The following SLC24A3 variants were observed in gnomAD, a reference collection of about 807,000 sequenced individuals.
SLC24A3 encodes the protein solute carrier family 24 member 3, also known as sodium/potassium/calcium exchanger 3.
Under a neutral mutation model 75.8 loss-of-function variants are expected in SLC24A3, and 28 were observed. The ratio of observed to expected loss-of-function variants is 0.37; its 90% CI spans 0.27 to 0.51. The LOEUF (loss-of-function observed/expected upper bound fraction) is 0.51, where lower values mean the gene tolerates loss of function less well. SLC24A3 is among the 20% of genes least tolerant of loss of function. The pLI, the probability that SLC24A3 is intolerant of heterozygous loss-of-function variation, is 0.94. For synonymous variants in SLC24A3, 372 were observed against 334.1 expected, an observed-to-expected ratio of 1.11 and a Z score of -1.24; for missense variants, 663 against 847.8, an observed-to-expected ratio of 0.78 and a Z score of 2.71.
chr20:19,218,029 A>T (rs1454899118), intron 1 of SLC24A3, among the ~76,000 whole-genome samples: 2 of 152,154 alleles, frequency 1.3e-5, no homozygotes, highest in Non-Finnish European at 2.9e-5. Context: ...GACCCTATGA[A>T]CTTTCCGTAC....
chr20:19,328,632 G>A (rs6136680), intron 2 of SLC24A3, among the ~76,000 whole-genome samples: 1 of 152,160 alleles, frequency 6.6e-6, no homozygotes, highest in Non-Finnish European at 1.5e-5. Flanking sequence ...TGTAGGAGAA[G>A]GTGAGGGGCG....
intron 2 of SLC24A3, among the ~76,000 whole-genome samples, chr20:19,285,248 C>T (rs767205762): frequency 3.9e-5 from 6 of 152,066 alleles, no homozygotes; most frequent in Non-Finnish European, 7.4e-5. Flanking sequence ...GAGCCCAAGG[C>T]GGGTGGATTA....
At chr20:19,656,581 C>A (rs2032269565) in intron 7 of SLC24A3, among the ~76,000 whole-genome samples, 1 of 152,214 alleles carries the variant, frequency 6.6e-6, no homozygotes, top group Non-Finnish European at 1.5e-5. Context: ...GCACTCTGCT[C>A]TTCTGCCATT....
chr20:19,252,241 A>G (rs1350614802), intron 1 of SLC24A3, among the ~76,000 whole-genome samples: 1 of 152,212 alleles, frequency 6.6e-6, no homozygotes. Context: ...ACAACCGTGA[A>G]TTGAAGATGA....
At chr20:19,697,124 G>A (rs1281956713) in intron 14 of SLC24A3, among the ~76,000 whole-genome samples, 1 of 152,022 alleles carries the variant, frequency 6.6e-6, no homozygotes, top group Non-Finnish European at 1.5e-5. Flanking sequence ...GGACCCACCT[G>A]GTAATTAACA....
At chr20:19,495,468 A>G (rs1282222510) in intron 2 of SLC24A3, among the ~76,000 whole-genome samples, 7 of 152,198 alleles carry the variant, frequency 4.6e-5, no homozygotes, top group Admixed American at 4.6e-4. Flanking sequence ...TCAGACATGA[A>G]CGCCTCGCTC....
intron 2 of SLC24A3, among the ~76,000 whole-genome samples, chr20:19,333,461 G>C (rs974391268): frequency 6.6e-6 from 1 of 152,174 alleles, no homozygotes; most frequent in African/African-American, 2.4e-5. Flanking sequence ...TGCAAAGAGC[G>C]GTGTGGGAAG....
At chr20:19,402,436 G>A (rs568168675) in intron 2 of SLC24A3, among the ~76,000 whole-genome samples, 2 of 152,282 alleles carry the variant, frequency 1.3e-5, no homozygotes, top group Admixed American at 6.5e-5. Flanking sequence ...CAGAAATGAT[G>A]AGAAACCAAC....
intron 6 of SLC24A3, among the ~76,000 whole-genome samples, chr20:19,645,671 T>TAA (rs908521793): frequency 1.3e-5 from 2 of 150,380 alleles, no homozygotes; most frequent in African/African-American, 2.4e-5. Context: ...ACATCCCCCC[T>TAA]AAAAAAAAAT....
rs1568612573 is a variant in SLC24A3, at chr20:19,417,286, T to A, written c.272-98202T>A. On this transcript the variant is annotated intron_variant, in intron 2 of 16. Coordinates refer to ENST00000328041, the MANE Select transcript of SLC24A3 (RefSeq NM_020689.4). ...GTGTAGAAAATAGATTGGAGACAAC[T>A]ATTGGTTAAACATAGTGCATTATAT... Among the ~76,000 whole-genome samples, 5 of 152,218 alleles carry A rather than the reference T, an allele frequency of 3.3e-5. No homozygotes were observed. In the South Asian group the frequency reaches 1.0e-3, roughly 31 times the overall value.
At chr20:19,240,292 G>T (rs1417570583) in intron 1 of SLC24A3, among the ~76,000 whole-genome samples, 3 of 152,158 alleles carry the variant, frequency 2.0e-5, no homozygotes, top group Non-Finnish European at 4.4e-5. Flanking sequence ...AGCCTCAATG[G>T]TGTACATCTG....
At chr20:19,512,302 T>C (rs2029898664) in intron 2 of SLC24A3, among the ~76,000 whole-genome samples, 1 of 152,188 alleles carries the variant, frequency 6.6e-6, no homozygotes, top group Non-Finnish European at 1.5e-5. Context: ...ACGAAGCTCC[T>C]GTGGTTTCTC....
At chr20:19,219,975 A>T (rs918118596) in intron 1 of SLC24A3, among the ~76,000 whole-genome samples, 1 of 152,202 alleles carries the variant, frequency 6.6e-6, no homozygotes, top group Admixed American at 6.5e-5. Context: ...ATTTAATGCA[A>T]TTGACATGTA....
chr20:19,401,712 A>T (rs1986554932), intron 2 of SLC24A3, among the ~76,000 whole-genome samples: 1 of 152,210 alleles, frequency 6.6e-6, no homozygotes, highest in Non-Finnish European at 1.5e-5. Flanking sequence ...CTCACAAAGC[A>T]TGTTTTGCCT....
intron 1 of SLC24A3, among the ~76,000 whole-genome samples, chr20:19,266,421 C>T (rs970285975): frequency 2.0e-5 from 3 of 152,198 alleles, no homozygotes; most frequent in African/African-American, 7.2e-5. Context: ...CTGCCTGACT[C>T]ATTGGTGATA....
At chr20:19,450,299 T>C (rs926734439) in intron 2 of SLC24A3, among the ~76,000 whole-genome samples, 1 of 152,210 alleles carries the variant, frequency 6.6e-6, no homozygotes, top group Non-Finnish European at 1.5e-5. Context: ...ACAGCTCTCA[T>C]GTAGGATGGG....
chr20:19,280,131 C>G (rs943546540), intron 1 of SLC24A3, among the ~76,000 whole-genome samples: 1 of 152,278 alleles, frequency 6.6e-6, no homozygotes, highest in Admixed American at 6.5e-5. Context: ...TCAAACTCAG[C>G]ATGCCCCAAA....
chr20:19,263,912 C>T (rs1222627347), intron 1 of SLC24A3, among the ~76,000 whole-genome samples: 1 of 152,042 alleles, frequency 6.6e-6, no homozygotes, highest in Admixed American at 6.6e-5. Flanking sequence ...TGTCAAGTTC[C>T]AATGGTGAAA....
At chr20:19,547,729 A>G (rs1304960106) in intron 3 of SLC24A3, among the ~76,000 whole-genome samples, 1 of 152,230 alleles carries the variant, frequency 6.6e-6, no homozygotes, top group Non-Finnish European at 1.5e-5. Context: ...CCCTGAGCCC[A>G]GCTCAGATGC....
Sources: gnomAD v4.1 joint callset for allele counts (sites outside exome capture counted in the v4.1 genomes callset) on GRCh38, gnomAD v4.1.1 for gene constraint, MANE v1.5 for transcripts, NCBI Gene and HGNC (gene_info 2026-07-23, HGNC 2026-07-21) for gene names.